The following ORC3 variants were observed in gnomAD, a reference collection of about 807,000 sequenced individuals.
ORC3 encodes origin recognition complex subunit 3.
A neutral mutation model predicts 100.7 loss-of-function variants in ORC3; 78 were observed. The observed-to-expected ratio is 0.77, with a 90% CI of 0.65 to 0.94. The LOEUF (loss-of-function observed/expected upper bound fraction) is 0.94. ORC3 is among the 40% of genes least tolerant of loss of function. ORC3 has a pLI of 0.00. For synonymous variants in ORC3, 295 were observed against 289.3 expected (o/e 1.02, Z -0.20); for missense variants, 789 against 823.9 (o/e 0.96, Z 0.52).
Position 87,601,887 on chromosome 6 carries a change from T to A in ORC3, c.177+6T>A. On this transcript the variant is annotated splice_donor_region_variant and intron_variant, in intron 3 of 19. Coordinates refer to ENST00000392844, the MANE Select transcript of ORC3 (RefSeq NM_012381.4). ...AGATGAAATCTGAAAATGAGGTGAA[T>A]ACTTTTTTTAATAATTTTCTGTAAC... 2 of 1,474,356 alleles carry A rather than the reference T, an allele frequency of 1.4e-6. No homozygotes were observed. The highest frequency in any genetic ancestry group is 9.5e-7 in the Non-Finnish European group (1 of 1,053,444). The allele number at this position is 1,474,356 out of a possible 1,614,324, so 91.3% of individuals were successfully genotyped here.
chr6:87,625,678 C>T (rs556335967), intron 11 of ORC3, among the ~76,000 whole-genome samples: 1 of 152,292 alleles, frequency 6.6e-6, no homozygotes, highest in East Asian at 1.9e-4. Context: ...TTTTGCTGTG[C>T]AGAAGCTCTT....
At position 87,621,343 on chromosome 6, in the gene ORC3, A is replaced by G. The variant is rs764107396; in HGVS notation, c.988-11A>G. Reference sequence around the variant, plus strand: ...TATAACAAATATGTTTAATCTTCACATGTCTTTCAGCTTTCTCTATTAGAG... The same window carrying G: ...TATAACAAATATGTTTAATCTTCACGTGTCTTTCAGCTTTCTCTATTAGAG... On this transcript the variant is annotated splice_polypyrimidine_tract_variant and intron_variant, in intron 9 of 19. Coordinates refer to ENST00000392844, the MANE Select transcript of ORC3 (RefSeq NM_012381.4). 1.3e-6 allele frequency: 2 copies of G among 1,498,014 alleles called. No homozygotes were observed. Among genetic ancestry groups the G allele is most frequent in the Non-Finnish European group, 8.9e-7 (1 of 1,127,448 alleles). The allele number at this position is 1,498,014 out of a possible 1,614,324, so 92.8% of individuals were successfully genotyped here.
the ORC3 span, among the ~76,000 whole-genome samples, chr6:87,673,263 C>T: frequency 1.4e-5 from 2 of 146,994 alleles, no homozygotes; most frequent in Non-Finnish European, 3.0e-5. Context: ...TGAGTTCAAG[C>T]GATTCTCGTG....
At chr6:87,657,671 A>G (rs1393420409) in intron 15 of ORC3, among the ~76,000 whole-genome samples, 4 of 152,216 alleles carry the variant, frequency 2.6e-5, no homozygotes, top group Admixed American at 2.0e-4. Context: ...ATTTAGTAGT[A>G]AAGTGAACTG....
chr6:87,646,697 C>A (rs1416207212), intron 13 of ORC3, among the ~76,000 whole-genome samples: 1 of 152,196 alleles, frequency 6.6e-6, no homozygotes, highest in African/African-American at 2.4e-5. Context: ...TTTTCTCCTA[C>A]CTCAGTATAT....
the ORC3 span, chr6:87,675,612 A>G: frequency 1.2e-6 from 2 of 1,614,052 alleles, no homozygotes; most frequent in Non-Finnish European, 1.7e-6. Context: ...AAACATCTAA[A>G]GGGTGAGAAA....
chr6:87,668,606 C>A (rs1770765622), downstream of ORC3, among the ~76,000 whole-genome samples: 1 of 152,168 alleles, frequency 6.6e-6, no homozygotes. Context: ...ACACCTTAGA[C>A]CTCTGGCAGC....
At chr6:87,624,745 C>G (rs1164134133) in intron 11 of ORC3, among the ~76,000 whole-genome samples, 1 of 151,992 alleles carries the variant, frequency 6.6e-6, no homozygotes, top group African/African-American at 2.4e-5. Context: ...GCGCAACGTG[C>G]AGGTTTGTTA....
At chr6:87,612,797 C>T (rs1778879556) in intron 8 of ORC3, among the ~76,000 whole-genome samples, 1 of 152,022 alleles carries the variant, frequency 6.6e-6, no homozygotes, top group South Asian at 2.1e-4. Context: ...TTTTAGTAGA[C>T]ACAGGGTACC....
At chr6:87,668,754 G>A (rs376705760), downstream of ORC3, among the ~76,000 whole-genome samples, 2 of 151,934 alleles carry the variant, frequency 1.3e-5, no homozygotes, top group East Asian at 1.9e-4. Flanking sequence ...AAGCTGAGGC[G>A]GGTGGATCAC....
At chr6:87,677,587 G>T in the ORC3 span, among the ~76,000 whole-genome samples, 1 of 135,438 alleles carries the variant, frequency 7.4e-6, no homozygotes, top group Admixed American at 7.2e-5. Flanking sequence ...TTTTAGTACA[G>T]GGTACCTACT....
intron 11 of ORC3, among the ~76,000 whole-genome samples, chr6:87,626,067 C>A (rs556927850): frequency 2.6e-5 from 4 of 152,156 alleles, no homozygotes; most frequent in Non-Finnish European, 4.4e-5. Flanking sequence ...GTACCAGTAC[C>A]ATGCTGTTTT....
intron 4 of ORC3, 79 bp from the exon 5 acceptor site, chr6:87,605,834 TTTGC>T (rs781479041): frequency 4.9e-5 from 36 of 727,590 alleles, no homozygotes; most frequent in African/African-American, 2.2e-4. Flanking sequence ...TTTTTACTTG[TTTGC>T]TTGATATGTT....
chr6:87,617,948 T>G (rs1482600144), intron 9 of ORC3, among the ~76,000 whole-genome samples: 3 of 152,190 alleles, frequency 2.0e-5, no homozygotes, highest in Non-Finnish European at 4.4e-5. Context: ...AAGAGTATTT[T>G]AAAAGAATAA....
rs1402847650 is a variant in ORC3, at chr6:87,612,190, G to T, written c.815G>T (p.Cys272Phe). The change falls in exon 8 of 20, where the codon TGC becomes TTC. Residue 272 changes from cysteine to phenylalanine, a missense_variant. By Grantham distance (205) the Cys-to-Phe change is radical. Around this residue, in one of 3 missense-constraint regions of ORC3, gnomAD observed 399 missense variants for 382.0 expected, o/e 1.04. Transcript: ENST00000392844. ...CCTCATGCAGTATCATCTCTATTGT[G>T]CATAGAACTGTTCCAATCTTTGTCT... is the stretch of plus-strand genomic sequence containing the variant. ...LLPHAVSSLL[C>F]IELFQSLSCK... The T allele has an allele frequency of 3.7e-6, 6 of 1,612,434 alleles. No homozygotes were observed. In the African/African-American group the frequency reaches 4.0e-5, roughly 11 times the overall value.
In ORC3 at chr6:87,656,975, T is replaced by C. The variant is rs778671239; in HGVS notation, c.1586T>C (p.Leu529Pro). 8 of 1,606,338 alleles carry C rather than the reference T, an allele frequency of 5.0e-6. No individual in the cohort carries two copies. The highest frequency in any genetic ancestry group is 6.8e-6 in the Non-Finnish European group (8 of 1,172,924). Residue 529 changes from leucine (L) to proline (P), a missense_variant, in exon 15 of 20, where the codon CTT becomes CCT. By Grantham distance (98) the Leu-to-Pro change is moderately conservative. This residue lies in a region of ORC3 where 366 missense variants were observed against 394.2 expected (regional missense o/e 0.93). Coordinates refer to ENST00000392844, the MANE Select transcript of ORC3 (RefSeq NM_012381.4). ...KGLQKTDLYH[L>P]QKSLLEMKEL... ...CTTCAGAAGACAGACCTCTATCATC[T>C]TCAGAAGGTCAGGTCACTCTCTTCC...
At chr6:87,600,802 A>T (rs1777841081) in intron 2 of ORC3, among the ~76,000 whole-genome samples, 1 of 88,088 alleles carries the variant, frequency 1.1e-5, no homozygotes, top group East Asian at 3.0e-4. Context: ...GTGGACTATG[A>T]GTATAAAACA....
At chr6:87,607,586 T>C (rs1460377820) in intron 5 of ORC3, 87 bp from the exon 6 acceptor site, 11 of 1,045,504 alleles carry the variant, frequency 1.1e-5, no homozygotes, top group Non-Finnish European at 1.5e-5. Flanking sequence ...AAAAAAAAAG[T>C]AATACACTCA....
intron 2 of ORC3, among the ~76,000 whole-genome samples, chr6:87,600,983 C>T (rs1777855507): frequency 6.6e-6 from 1 of 152,058 alleles, no homozygotes; most frequent in Admixed American, 6.6e-5. Flanking sequence ...TCACAAATAG[C>T]TAACCATTTG....
Sources: allele counts gnomAD v4.1 joint callset (sites outside exome capture counted in the v4.1 genomes callset), GRCh38; gene constraint gnomAD v4.1.1; regional missense constraint gnomAD v4.1.1; transcripts MANE v1.5; gene names NCBI Gene and HGNC (gene_info 2026-07-23, HGNC 2026-07-21).